MRC1: variants seen among roughly 807,000 people sequenced by gnomAD.
The protein encoded by MRC1 is mannose receptor C-type 1.
In MRC1, 62 loss-of-function variants were observed where a neutral mutation model predicts 102.9. That is an observed-to-expected ratio of 0.60 (90% CI 0.49 to 0.74). The LOEUF is 0.74. Ranked by LOEUF, MRC1 falls within the 30% of genes least tolerant of loss-of-function variation. The probability of loss-of-function intolerance (pLI) is 0.00; values close to 1 mark genes in which losing one functional copy is unlikely to be tolerated. For missense variants in MRC1, 1,237 were observed against 862.8 expected (o/e 1.43, Z -5.43); for synonymous variants, 457 against 298.4 (o/e 1.53, Z -5.48).
In MRC1 at chr10:17,907,531, C is replaced by T. The variant is rs1833912164; in HGVS notation, c.3914-3C>T. 2 of 780,750 alleles carry T rather than the reference C, an allele frequency of 2.6e-6. No homozygotes were observed. Among genetic ancestry groups the T allele is most frequent in the South Asian group, 1.3e-5 (1 of 74,616 alleles). 48.4% of individuals were successfully genotyped at this position (780,750 alleles called of 1,614,324 possible). On this transcript the variant is annotated splice_region_variant and splice_polypyrimidine_tract_variant and intron_variant, in intron 27 of 29. Transcript: ENST00000569591. Reference sequence around the variant, plus strand: ...GTCTTTATTGGTTTTATCTGATGACCAGGGACGTGGCTGTGGATAAATAAC... The same window carrying T: ...GTCTTTATTGGTTTTATCTGATGACTAGGGACGTGGCTGTGGATAAATAAC...
chr10:17,884,564 G>A (rs1042766664), intron 21 of MRC1, among the ~76,000 whole-genome samples: 11 of 152,206 alleles, frequency 7.2e-5, no homozygotes, highest in Non-Finnish European at 1.2e-4. Flanking sequence ...GGAAGGGGAA[G>A]CAAACATGTC....
chr10:17,880,588 G>T lies in MRC1; in HGVS notation c.2783G>T (p.Ser928Ile), dbSNP rs1833499584. 2.6e-6 allele frequency: 2 copies of T among 780,826 alleles called. No individual in the cohort carries two copies. The highest frequency in any genetic ancestry group is 3.4e-5 in the Admixed American group (2 of 59,034). The allele number at this position is 780,826 out of a possible 1,614,324, so 48.4% of individuals were successfully genotyped here. A position where few individuals can be genotyped will look rare whatever the true frequency, so the allele number is the denominator to read the frequency against. ...NAFICQRHNS[S>I]INATTVMPTM... is the part of the protein sequence containing the mutation. Reference sequence around the variant, plus strand: ...TTCATTTGCCAGCGACATAACAGTAGTATCAATGCTACCACAGTTATGCCT... The same window carrying T: ...TTCATTTGCCAGCGACATAACAGTATTATCAATGCTACCACAGTTATGCCT... Residue 928 changes from serine to isoleucine, a missense_variant, in exon 20 of 30, where the codon AGT (serine) becomes ATT (isoleucine). Ser to Ile is a moderately radical substitution (Grantham distance 142). Coordinates refer to ENST00000569591, the MANE Select transcript of MRC1 (RefSeq NM_002438.4).
At chr10:17,897,933 A>T in intron 23 of MRC1, 101 bp from the exon 24 acceptor site, 2 of 771,694 alleles carry the variant, frequency 2.6e-6, no homozygotes, top group Non-Finnish European at 4.8e-6. Flanking sequence ...GAGTTATGCT[A>T]CTTTGCTTAT....
At chr10:17,856,450 G>C (rs1332361405) in intron 9 of MRC1, 98 bp downstream of exon 9, 1 of 749,154 alleles carries the variant, frequency 1.3e-6, no homozygotes, top group Non-Finnish European at 2.4e-6. Flanking sequence ...TATTGCAGTA[G>C]CCAAGGGTTT....
intron 21 of MRC1, among the ~76,000 whole-genome samples, chr10:17,881,397 G>T (rs1457076695): frequency 6.6e-6 from 1 of 152,162 alleles, no homozygotes; most frequent in Non-Finnish European, 1.5e-5. Context: ...CTAAGAAGCA[G>T]GTATTATGAC....
chr10:17,857,215 C>G (rs1833105490), intron 9 of MRC1, among the ~76,000 whole-genome samples: 1 of 152,164 alleles, frequency 6.6e-6, no homozygotes, highest in African/African-American at 2.4e-5. Context: ...AGTTCCTCTT[C>G]TAAGTTTTGA....
intron 1 of MRC1, among the ~76,000 whole-genome samples, chr10:17,818,449 A>G (rs1838345242): frequency 2.0e-5 from 3 of 152,226 alleles, no homozygotes; most frequent in African/African-American, 7.2e-5. Context: ...ATATATTTTA[A>G]GATGGTTATG....
At chr10:17,851,944 A>T (rs1554840574) in intron 7 of MRC1, among the ~76,000 whole-genome samples, 1 of 152,252 alleles carries the variant, frequency 6.6e-6, no homozygotes, top group Non-Finnish European at 1.5e-5. Flanking sequence ...ATTTTCTACC[A>T]CAACATCATC....
intron 22 of MRC1, among the ~76,000 whole-genome samples, chr10:17,893,631 A>C (rs1053727933): frequency 5.9e-5 from 9 of 152,210 alleles, no homozygotes; most frequent in Non-Finnish European, 1.2e-4. Context: ...TATTTAGTAC[A>C]TAAAGGAAAG....
At chr10:17,870,452 G>A (rs1377658593) in intron 13 of MRC1, 79 bp downstream of exon 13, 5 of 778,326 alleles carry the variant, frequency 6.4e-6, no homozygotes, top group African/African-American at 1.7e-5. Context: ...GTCTGTTTCT[G>A]AAATTGTTGT....
At chr10:17,831,728 G>T (rs888896404) in intron 3 of MRC1, among the ~76,000 whole-genome samples, 1 of 151,518 alleles carries the variant, frequency 6.6e-6, no homozygotes, top group Non-Finnish European at 1.5e-5. Context: ...CACATGGCTT[G>T]TAAGCAGAAT....
intron 23 of MRC1, among the ~76,000 whole-genome samples, chr10:17,896,318 C>G (rs1018160597): frequency 8.7e-4 from 132 of 152,262 alleles, no homozygotes; most frequent in African/African-American, 3.2e-3. Flanking sequence ...TCCTGCAATC[C>G]TAACCTTTCT....
chr10:17,906,820 G>A, intron 26 of MRC1, 66 bp from the exon 27 acceptor site: 1 of 780,280 alleles, frequency 1.3e-6, no homozygotes, highest in South Asian at 1.3e-5. Context: ...TAGCAGTGCT[G>A]TTTACAAAAA....
At chr10:17,845,086 A>G (rs782723704) in intron 5 of MRC1, 346,263 of 774,034 alleles carry the variant, frequency 0.45, 79,097 homozygotes, top group South Asian at 0.54. Context: ...TAAGTATTGG[A>G]ATGATCCAAC....
At chr10:17,847,860 A>G (rs1838848970) in intron 6 of MRC1, among the ~76,000 whole-genome samples, 1 of 151,996 alleles carries the variant, frequency 6.6e-6, no homozygotes. Context: ...CCTAGGTAGC[A>G]AAATTAAAAT....
In MRC1 at chr10:17,875,251, T is replaced by C; in HGVS notation, c.2548T>C (p.Tyr850His). The change falls in exon 17 of 30, where the codon TAT becomes CAT. Residue 850 changes from tyrosine to histidine, a missense_variant and splice_region_variant. Coordinates refer to ENST00000569591, the MANE Select transcript of MRC1 (RefSeq NM_002438.4). ...SESEKKFLWK[Y>H]VNRNDAQSAY... ...AAGTGAAAAGAAGTTTCTATGGAAA[T>C]ATGTAAGGACATCAATCATTTTTTA... 3 of 780,336 alleles carry C rather than the reference T, an allele frequency of 3.8e-6. No homozygotes were observed. The highest frequency in any genetic ancestry group is 7.2e-6 in the Non-Finnish European group (3 of 417,834). The allele number at this position is 780,336 out of a possible 1,614,324, so 48.3% of individuals were successfully genotyped here.
intron 10 of MRC1, among the ~76,000 whole-genome samples, chr10:17,863,317 T>C (rs1466279834): frequency 6.6e-6 from 1 of 152,220 alleles, no homozygotes; most frequent in Non-Finnish European, 1.5e-5. Context: ...AATGATTTTA[T>C]ATACTCAGCT....
intron 4 of MRC1, among the ~76,000 whole-genome samples, chr10:17,839,896 TA>T (rs1195208626): frequency 1.4e-5 from 2 of 147,252 alleles, no homozygotes; most frequent in Non-Finnish European, 3.0e-5. Flanking sequence ...TCATCCCTCC[TA>T]AAAATACAAA....
At chr10:17,884,852 G>A (rs978219407) in intron 21 of MRC1, among the ~76,000 whole-genome samples, 310 of 152,318 alleles carry the variant, frequency 2.0e-3, no homozygotes, top group African/African-American at 7.2e-3. Flanking sequence ...TCTGGGTTAA[G>A]AGTCCTTTGT....
Sources: gnomAD v4.1 joint callset for allele counts (sites outside exome capture counted in the v4.1 genomes callset) on GRCh38, gnomAD v4.1.1 for gene constraint, MANE v1.5 for transcripts, NCBI Gene and HGNC (gene_info 2026-07-23, HGNC 2026-07-21) for gene names.